Variants in TMEM182 observed in about 807,000 individuals in gnomAD.
The protein encoded by TMEM182 is transmembrane protein 182.
Under a neutral mutation model 26.8 loss-of-function variants are expected in TMEM182, and 20 were observed. That is an observed-to-expected ratio of 0.75 (90% CI 0.53 to 1.09). The LOEUF (loss-of-function observed/expected upper bound fraction) is 1.09, where lower values mean the gene tolerates loss of function less well. Among genes scored for constraint, TMEM182 ranks in the 50% least tolerant of loss-of-function variants. The pLI is 0.00. For synonymous variants in TMEM182, 109 were observed against 102.2 expected, an observed-to-expected ratio of 1.07 and a Z score of -0.40; for missense variants, 277 against 275.5, an observed-to-expected ratio of 1.01 and a Z score of -0.04.
intron 3 of TMEM182, among the ~76,000 whole-genome samples, chr2:102,781,577 C>G (rs1333952432): frequency 6.6e-6 from 1 of 151,900 alleles, no homozygotes; most frequent in Non-Finnish European, 1.5e-5. Context: ...CTAGGATGCT[C>G]CATTGTTACA....
chr2:102,813,783 T>G (rs1464555211), intron 4 of TMEM182, among the ~76,000 whole-genome samples: 1 of 152,196 alleles, frequency 6.6e-6, no homozygotes, highest in Non-Finnish European at 1.5e-5. Flanking sequence ...CTGTAATACT[T>G]CATCTAATTC....
At chr2:102,754,761 T>C (rs532926020) in intron 1 of TMEM182, among the ~76,000 whole-genome samples, 1 of 123,200 alleles carries the variant, frequency 8.1e-6, no homozygotes, top group African/African-American at 3.5e-5. Flanking sequence ...ATTAGAAATT[T>C]TGACTATAGA....
intron 4 of TMEM182, among the ~76,000 whole-genome samples, chr2:102,812,744 C>G (rs1476956415): frequency 6.6e-6 from 1 of 152,142 alleles, no homozygotes. Flanking sequence ...ATTAAAATAT[C>G]TGAAAGCACA....
At chr2:102,758,816 A>C (rs1470741203), upstream of TMEM182, among the ~76,000 whole-genome samples, 1 of 152,254 alleles carries the variant, frequency 6.6e-6, no homozygotes, top group South Asian at 2.1e-4. Context: ...TATTTTTCTC[A>C]ATAGATGAAC....
intron 4 of TMEM182, 115 bp downstream of exon 4, chr2:102,798,115 G>A: frequency 7.6e-7 from 1 of 1,313,892 alleles, no homozygotes; most frequent in Non-Finnish European, 1.0e-6. Flanking sequence ...AATAATATTT[G>A]TATACAATAC....
At chr2:102,791,507 G>A (rs906534437) in intron 3 of TMEM182, among the ~76,000 whole-genome samples, 1 of 152,184 alleles carries the variant, frequency 6.6e-6, no homozygotes, top group African/African-American at 2.4e-5. Context: ...AACATCTGTT[G>A]TTGGACTGAT....
chr2:102,751,967 CTCT>C (rs1349770549), intron 1 of TMEM182, among the ~76,000 whole-genome samples: 18 of 152,288 alleles, frequency 1.2e-4, no homozygotes, highest in African/African-American at 3.6e-4. Flanking sequence ...TGTGCCCAGC[CTCT>C]TCTTATGAGG....
At chr2:102,786,010 A>G (rs1681372733) in intron 3 of TMEM182, among the ~76,000 whole-genome samples, 1 of 151,958 alleles carries the variant, frequency 6.6e-6, no homozygotes, top group African/African-American at 2.4e-5. Flanking sequence ...GCTTAGTCTA[A>G]AAGATCACAG....
chr2:102,836,435 G>A (rs1683248640), intron 3 of TMEM182, among the ~76,000 whole-genome samples: 1 of 152,082 alleles, frequency 6.6e-6, no homozygotes, highest in Non-Finnish European at 1.5e-5. Flanking sequence ...ATTGTAATAC[G>A]TATATAATGG....
chr2:102,818,622 C>T (rs992404588), downstream of TMEM182, among the ~76,000 whole-genome samples: 2 of 152,102 alleles, frequency 1.3e-5, no homozygotes, highest in East Asian at 1.9e-4. Flanking sequence ...AAGATCATCC[C>T]TCCTGCCCAT....
intron 4 of TMEM182, among the ~76,000 whole-genome samples, chr2:102,798,567 G>A (rs976823686): frequency 2.0e-5 from 3 of 152,070 alleles, no homozygotes; most frequent in Non-Finnish European, 2.9e-5. Flanking sequence ...TGCCAGGTGT[G>A]GTGGCTCACA....
chr2:102,818,487 G>A (rs570346537), downstream of TMEM182, among the ~76,000 whole-genome samples: 5 of 152,282 alleles, frequency 3.3e-5, no homozygotes, highest in Non-Finnish European at 5.9e-5. Context: ...CAGAGCAAGC[G>A]TTAGGGGCTC....
chr2:102,792,809 G>C lies in TMEM182; in HGVS notation c.332-5054G>C, dbSNP rs184739543. Among the ~76,000 whole-genome samples, 4 of 152,212 alleles carry C rather than the reference G, an allele frequency of 2.6e-5. 1 individual carries two copies. The East Asian group carries it at 7.7e-4, about 29-fold the overall frequency. ...TCCCTTCCTTTAAATACCAATCTGT[G>C]GTTGTACAGGGGATTCAGAATCAAA... On this transcript the variant is annotated intron_variant, in intron 3 of 4. Coordinates refer to ENST00000412401, the MANE Select transcript of TMEM182 (RefSeq NM_144632.5).
chr2:102,811,768 G>C (rs1297657892), intron 4 of TMEM182, among the ~76,000 whole-genome samples: 1 of 152,154 alleles, frequency 6.6e-6, no homozygotes, highest in Non-Finnish European at 1.5e-5. Flanking sequence ...CATCAAGCTG[G>C]CTTCCAAAAC....
intron 3 of TMEM182, chr2:102,797,624 T>C (rs757295027): frequency 8.9e-6 from 4 of 451,480 alleles, no homozygotes; most frequent in Non-Finnish European, 1.6e-5. Context: ...TAAGCATGTG[T>C]GTGGTACAAA....
chr2:102,758,495 C>T (rs540659606), upstream of TMEM182: 5 of 717,050 alleles, frequency 7.0e-6, no homozygotes, highest in African/African-American at 8.7e-5. Flanking sequence ...TTCATGTCTT[C>T]ATTAGCAAAA....
chr2:102,740,624 T>G (rs1679515000), intron 1 of TMEM182, among the ~76,000 whole-genome samples: 1 of 152,180 alleles, frequency 6.6e-6, no homozygotes, highest in Non-Finnish European at 1.5e-5. Context: ...TGCAATAGCA[T>G]AATTATTTTT....
At chr2:102,827,756 AAAAC>A (rs1421003122) in intron 3 of TMEM182, among the ~76,000 whole-genome samples, 4 of 152,244 alleles carry the variant, frequency 2.6e-5, no homozygotes, top group Admixed American at 6.5e-5. Context: ...ATATTCGAGA[AAAAC>A]AAACAAGCAG....
At chr2:102,769,145 C>T (rs1194818892) in intron 3 of TMEM182, among the ~76,000 whole-genome samples, 1 of 152,098 alleles carries the variant, frequency 6.6e-6, no homozygotes, top group Non-Finnish European at 1.5e-5. Context: ...CAGAACAATG[C>T]CACATATCCC....
Sources: gnomAD v4.1 joint callset for allele counts (sites outside exome capture counted in the v4.1 genomes callset) on GRCh38, gnomAD v4.1.1 for gene constraint, MANE v1.5 for transcripts, NCBI Gene and HGNC (gene_info 2026-07-23, HGNC 2026-07-21) for gene names.